The following RGS6 variants were observed in gnomAD, a reference collection of about 807,000 sequenced individuals.
RGS6 encodes regulator of G protein signaling 6, also known as regulator of G-protein signaling 6.
A neutral mutation model predicts 78.5 loss-of-function variants in RGS6; 30 were observed. The observed-to-expected ratio is 0.38, with a 90% confidence interval of 0.29 to 0.52. RGS6 has a LOEUF of 0.52. RGS6 is among the 20% of genes least tolerant of loss of function. The pLI is 0.85. For missense variants in RGS6, 495 were observed against 609.7 expected, an observed-to-expected ratio of 0.81 and a Z score of 1.98; for synonymous variants, 206 against 206.0, an observed-to-expected ratio of 1.00 and a Z score of 0.00.
chr14:71,936,015 G>GATATATATATATATATATATATATAT (rs55686505), intron 1 of RGS6, among the ~76,000 whole-genome samples: 26 of 63,768 alleles, frequency 4.1e-4, no homozygotes, highest in East Asian at 1.4e-3. Flanking sequence ...GAACTAATAG[G>GATATATATATATATATATATATATAT]ATATATATAT....
chr14:72,557,311 A>G (rs2097593606), intron 17 of RGS6, among the ~76,000 whole-genome samples: 1 of 152,062 alleles, frequency 6.6e-6, no homozygotes, highest in South Asian at 2.1e-4. Context: ...CTCAGACTGC[A>G]CTCTCTCTCC....
intron 13 of RGS6, 111 bp from the exon 14 acceptor site, chr14:72,510,041 GAT>G: frequency 8.2e-7 from 1 of 1,224,376 alleles, no homozygotes; most frequent in South Asian, 1.6e-5. Context: ...TTAAATATGA[GAT>G]GTTTCCCTTT....
chr14:72,555,759 C>T (rs891924487), intron 17 of RGS6, among the ~76,000 whole-genome samples: 1 of 152,204 alleles, frequency 6.6e-6, no homozygotes, highest in African/African-American at 2.4e-5. Context: ...ATAGAAATGC[C>T]TAACTGGCAA....
intron 2 of RGS6, among the ~76,000 whole-genome samples, chr14:72,082,808 A>G (rs1255041085): frequency 6.6e-6 from 1 of 152,202 alleles, no homozygotes; most frequent in East Asian, 1.9e-4. Context: ...GAATGTCAAT[A>G]TTGTTTCATA....
chr14:72,518,147 T>G (rs2096978641), intron 14 of RGS6, among the ~76,000 whole-genome samples: 2 of 152,242 alleles, frequency 1.3e-5, no homozygotes, highest in African/African-American at 4.8e-5. Flanking sequence ...TCTTTTAATA[T>G]GCAATTCTTT....
chr14:72,195,273 A>G (rs2039798412), intron 2 of RGS6, among the ~76,000 whole-genome samples: 1 of 152,066 alleles, frequency 6.6e-6, no homozygotes, highest in African/African-American at 2.4e-5. Context: ...GGGTGGGGTA[A>G]ACAAGCTGTT....
intron 2 of RGS6, among the ~76,000 whole-genome samples, chr14:72,161,372 C>T (rs568198777): frequency 6.6e-6 from 1 of 152,030 alleles, no homozygotes; most frequent in Non-Finnish European, 1.5e-5. Context: ...TATCCCAGAA[C>T]TTTAAAGTAT....
chr14:72,324,445 G>T (rs1244707674), intron 2 of RGS6, among the ~76,000 whole-genome samples: 1 of 152,026 alleles, frequency 6.6e-6, no homozygotes, highest in Non-Finnish European at 1.5e-5. Context: ...CCATGTTGGT[G>T]TGCTGCACAC....
chr14:72,257,479 CT>C (rs1313759986), intron 2 of RGS6, among the ~76,000 whole-genome samples: 1 of 152,124 alleles, frequency 6.6e-6, no homozygotes. Context: ...GAGCATGTCA[CT>C]GGGGACCCCA....
At chr14:72,527,259 A>G (rs902465073) in intron 15 of RGS6, among the ~76,000 whole-genome samples, 1 of 152,252 alleles carries the variant, frequency 6.6e-6, no homozygotes, top group African/African-American at 2.4e-5. Context: ...TTAGGACTCA[A>G]GAGGAGGCTC....
In RGS6 at chr14:72,540,861, G is replaced by C. The variant is rs980133582; in HGVS notation, c.1422+767G>C. On this transcript the variant is annotated intron_variant, in intron 17 of 17. Transcript: ENST00000553525. ...ATGGTACGCCCCAGCTAGAGAGGTA[G>C]AGCTCCCCACAGTGGCACATAAAGA... 5 of 985,312 alleles carry C rather than the reference G, an allele frequency of 5.1e-6. No homozygotes were observed. In the African/African-American group the frequency reaches 8.7e-5, roughly 17 times the overall value. 61.0% of individuals were successfully genotyped at this position (985,312 alleles called of 1,614,324 possible).
intron 3 of RGS6, among the ~76,000 whole-genome samples, chr14:72,450,442 A>C (rs2153225033): frequency 6.6e-6 from 1 of 152,276 alleles, no homozygotes; most frequent in East Asian, 1.9e-4. Flanking sequence ...CTAATAAAAC[A>C]CGCATGCAAT....
At chr14:72,046,591 TCTC>T (rs988957768) in intron 2 of RGS6, among the ~76,000 whole-genome samples, 3 of 151,536 alleles carry the variant, frequency 2.0e-5, no homozygotes, top group Non-Finnish European at 2.9e-5. Flanking sequence ...CCCCTGCTCC[TCTC>T]CTCTTCTTCC....
chr14:72,547,882 C>T (rs1395899026), intron 17 of RGS6, among the ~76,000 whole-genome samples: 2 of 152,178 alleles, frequency 1.3e-5, no homozygotes, highest in Non-Finnish European at 2.9e-5. Flanking sequence ...CCCCCCGTGG[C>T]GGTCTGGCTT....
At chr14:71,947,744 G>T (rs1204466913) in intron 1 of RGS6, among the ~76,000 whole-genome samples, 6 of 152,144 alleles carry the variant, frequency 3.9e-5, no homozygotes, top group Non-Finnish European at 2.9e-5. Flanking sequence ...ATGACCAATT[G>T]ACTATCAAAA....
At chr14:72,419,487 A>G (rs1052941994) in intron 3 of RGS6, among the ~76,000 whole-genome samples, 19 of 152,222 alleles carry the variant, frequency 1.2e-4, no homozygotes, top group African/African-American at 3.1e-4. Flanking sequence ...CAGTGCGGGT[A>G]TACCAGGAAC....
At chr14:72,476,658 G>A (rs1195891546) in intron 10 of RGS6, 84 bp from the exon 11 acceptor site, 8 of 980,358 alleles carry the variant, frequency 8.2e-6, no homozygotes, top group African/African-American at 8.1e-5. Context: ...TCACGAAATT[G>A]GATGAGTCAT....
chr14:72,348,014 A>C (rs185752352), intron 2 of RGS6, among the ~76,000 whole-genome samples: 1 of 152,224 alleles, frequency 6.6e-6, no homozygotes, highest in Admixed American at 6.5e-5. Flanking sequence ...GCTGGAACTC[A>C]CTCTGGGATC....
At chr14:72,077,527 G>T (rs1239565473) in intron 2 of RGS6, among the ~76,000 whole-genome samples, 1 of 151,992 alleles carries the variant, frequency 6.6e-6, no homozygotes, top group Admixed American at 6.6e-5. Context: ...TTATCAACTC[G>T]TTGGAAAATG....
Sources: gnomAD v4.1 joint callset for allele counts (sites outside exome capture counted in the v4.1 genomes callset) on GRCh38, gnomAD v4.1.1 for gene constraint, MANE v1.5 for transcripts, NCBI Gene and HGNC (gene_info 2026-07-23, HGNC 2026-07-21) for gene names.